The following METTL21C variants were observed in gnomAD, a reference collection of about 807,000 sequenced individuals.
METTL21C encodes methyltransferase 21C, AARS1 lysine.
METTL21C carries 21 observed loss-of-function variants against 25.9 expected under a neutral mutation model. The ratio of observed to expected loss-of-function variants is 0.81; its 90% CI spans 0.58 to 1.17. The LOEUF (loss-of-function observed/expected upper bound fraction) is 1.17. METTL21C is among the 50% of genes most tolerant of loss of function. METTL21C has a pLI of 0.00. For missense variants in METTL21C, 312 were observed against 315.1 expected, an observed-to-expected ratio of 0.99 and a Z score of 0.07; for synonymous variants, 125 against 124.7, an observed-to-expected ratio of 1.00 and a Z score of -0.01.
upstream of METTL21C, among the ~76,000 whole-genome samples, chr13:102,699,662 G>A (rs1167319335): frequency 6.6e-6 from 1 of 152,194 alleles, no homozygotes; most frequent in East Asian, 1.9e-4. Context: ...CATTCAATGT[G>A]TGTGATTTCC....
At position 102,685,928 on chromosome 13, in the gene METTL21C, A is replaced by G. The variant is rs112224411; in HGVS notation, c.*103T>C. On this transcript the variant is annotated 3_prime_UTR_variant, in exon 4 of 4. Transcript: ENST00000267273. ...TGTTCCAAGTATACAAGTTGTTTCT[A>G]TGCACTACCTTCTCAATCCTGTGAA... is the stretch of plus-strand genomic sequence containing the variant. 3.4e-6 allele frequency: 4 copies of G among 1,180,320 alleles called. 1 individual carries two copies. The highest frequency in any genetic ancestry group is 3.5e-6 in the Non-Finnish European group (3 of 851,392). The allele number at this position is 1,180,320 out of a possible 1,614,324, so 73.1% of individuals were successfully genotyped here. A position where few individuals can be genotyped will look rare whatever the true frequency, so the allele number is the denominator to read the frequency against.
At position 102,694,376 on chromosome 13, in the gene METTL21C, G is replaced by T; in HGVS notation, c.123C>A (p.Val41=). The change falls in exon 1 of 4, where the codon GTC becomes GTA. Residue 41 remains valine (V), a synonymous_variant. Transcript: ENST00000267273. ...GATGAAGAAGGAGGTTACCTTCTAG[G>T]ACTCCCCCGGTGCTGTCTTTCTGCG... ...GAPQKDSTGG[V]LEESNKIEPS... The T allele has an allele frequency of 6.2e-7, 1 of 1,602,832 alleles. No homozygotes were observed. Among genetic ancestry groups the T allele is most frequent in the Non-Finnish European group, 8.5e-7 (1 of 1,174,306 alleles).
chr13:102,691,051 A>G, intron 1 of METTL21C, 87 bp from the exon 2 acceptor site: 6 of 1,427,004 alleles, frequency 4.2e-6, no homozygotes, highest in Non-Finnish European at 4.8e-6. Context: ...AGATGGCATT[A>G]GATTGAATGA....
chr13:102,689,501 G>A lies in METTL21C; in HGVS notation c.282+1312C>T, dbSNP rs1029622282. On this transcript the variant is annotated intron_variant, in intron 2 of 3. Coordinates refer to ENST00000267273, the MANE Select transcript of METTL21C (RefSeq NM_001010977.3). Reference sequence around the variant, plus strand: ...TCGCCAGATGACCTGAGGGAGCCCCGTGGAACCACTAACCAGGAATACTCA... The same window carrying A: ...TCGCCAGATGACCTGAGGGAGCCCCATGGAACCACTAACCAGGAATACTCA... 2.0e-4 allele frequency among the ~76,000 whole-genome samples: 30 copies of A among 152,178 alleles called. No homozygotes were observed. The East Asian group carries it at 2.3e-3, about 12-fold the overall frequency.
At chr13:102,696,391 G>T (rs188007138), upstream of METTL21C, among the ~76,000 whole-genome samples, 1 of 152,112 alleles carries the variant, frequency 6.6e-6, no homozygotes, top group African/African-American at 2.4e-5. Context: ...GGGACGGAGA[G>T]CATTAGGAGA....
intron 1 of METTL21C, 131 bp from the exon 2 acceptor site, chr13:102,691,095 G>A: frequency 9.8e-7 from 1 of 1,024,836 alleles, no homozygotes; most frequent in South Asian, 1.7e-5. Flanking sequence ...ATGCTATCAA[G>A]GAGAACGGCT....
chr13:102,702,110 G>A, the METTL21C span, among the ~76,000 whole-genome samples: 1 of 151,758 alleles, frequency 6.6e-6, no homozygotes, highest in African/African-American at 2.4e-5. Flanking sequence ...GTTGTAGTGA[G>A]CTGAGATCGT....
At position 102,694,485 on chromosome 13, in the gene METTL21C, A is replaced by G. The variant is rs146652569; in HGVS notation, c.14T>C (p.Leu5Pro). 18 of 1,445,886 alleles carry G rather than the reference A, an allele frequency of 1.2e-5. No homozygotes were observed. In the African/African-American group the frequency reaches 5.2e-4, roughly 41 times the overall value. The allele number at this position is 1,445,886 out of a possible 1,614,324, so 89.6% of individuals were successfully genotyped here. The change falls in exon 1 of 4, where the codon CTG becomes CCG. Residue 5 changes from leucine to proline, a missense_variant. Leu to Pro is a moderately conservative substitution (Grantham distance 98). Transcript: ENST00000267273. MDVC[L>P]SSAQQPGRRG... ...GCGCCCAGGCTGCTGCGCGGAGCTC[A>G]GACACACGTCCATAGCCGGCTGTCC... is the stretch of plus-strand genomic sequence containing the variant.
In METTL21C at chr13:102,690,806, C is replaced by G; in HGVS notation, c.282+7G>C. Reference sequence around the variant, plus strand: ...TCCTGACATCACAAATATGACAGTTCTCTCACCCCTGGCCACACCACCGCT... The same window carrying G: ...TCCTGACATCACAAATATGACAGTTGTCTCACCCCTGGCCACACCACCGCT... On this transcript the variant is annotated splice_region_variant and intron_variant, in intron 2 of 3. Coordinates refer to ENST00000267273, the MANE Select transcript of METTL21C (RefSeq NM_001010977.3). The G allele has an allele frequency of 6.2e-7, 1 of 1,612,390 alleles. No individual in the cohort carries two copies. The highest frequency in any genetic ancestry group is 8.5e-7 in the Non-Finnish European group (1 of 1,179,498).
At chr13:102,702,900 G>A in the METTL21C span, among the ~76,000 whole-genome samples, 3 of 152,050 alleles carry the variant, frequency 2.0e-5, no homozygotes, top group African/African-American at 7.2e-5. Context: ...CCCAAAAACA[G>A]CATTCTTATA....
Position 102,688,487 on chromosome 13 carries a change from C to T in METTL21C, c.283-1430G>A, listed in dbSNP as rs576255555. Reference sequence around the variant, plus strand: ...AGAGCCGCCGAGGAGTCTGGGCCGACTTCATGGGGCCGGGGAGAAGCCAGC... The same window carrying T: ...AGAGCCGCCGAGGAGTCTGGGCCGATTTCATGGGGCCGGGGAGAAGCCAGC... On this transcript the variant is annotated intron_variant, in intron 2 of 3. Transcript: ENST00000267273. Among the ~76,000 whole-genome samples, 12 of 152,070 alleles carry T rather than the reference C, an allele frequency of 7.9e-5. No individual in the cohort carries two copies. The East Asian group carries it at 2.1e-3, about 27-fold the overall frequency.
Position 102,686,366 on chromosome 13 carries a change from A to G in METTL21C, c.460T>C (p.Leu154=). 2 of 1,614,108 alleles carry G rather than the reference A, an allele frequency of 1.2e-6. No individual in the cohort carries two copies. The highest frequency in any genetic ancestry group is 8.5e-7 in the Non-Finnish European group (1 of 1,180,004). Residue 154 remains leucine, a synonymous_variant, in exon 4 of 4, where the codon TTA becomes CTA. Coordinates refer to ENST00000267273, the MANE Select transcript of METTL21C (RefSeq NM_001010977.3). ...GCTGTACATTGTAGTGTGTTTTTTA[A>G]AAGATTGTATTGAAGGTTTCCCAGG... The part of the protein sequence containing the change: ...DVLGNLQYNL[L]KNTLQCTAHL...
intron 2 of METTL21C, among the ~76,000 whole-genome samples, chr13:102,690,436 AAAAG>A (rs1299646079): frequency 6.7e-6 from 1 of 149,790 alleles, no homozygotes; most frequent in Admixed American, 6.8e-5. Context: ...AAAAAAAAAA[AAAAG>A]AGAGAGATGA....
chr13:102,686,395 T>G lies in METTL21C; in HGVS notation c.431A>C (p.Asp144Ala). 1 of 1,613,238 alleles carries G rather than the reference T, an allele frequency of 6.2e-7. No homozygotes were observed. The part of the protein sequence containing the change: ...GAQVTATDLP[D>A]VLGNLQYNLL... ...ATTGTATTGAAGGTTTCCCAGGACA[T>G]CAGGCAAATCTGTTGCTGTGACTTG... Residue 144 changes from aspartate (D) to alanine (A), a missense_variant, in exon 4 of 4, where the codon GAT (aspartate) becomes GCT (alanine). Coordinates refer to ENST00000267273, the MANE Select transcript of METTL21C (RefSeq NM_001010977.3).
At position 102,694,811 on chromosome 13, in the gene METTL21C, AT is replaced by A. The variant is rs1384169438; in HGVS notation, c.-314del. 1.3e-5 allele frequency among the ~76,000 whole-genome samples: 2 copies of A among 151,686 alleles called. No individual in the cohort carries two copies. The highest frequency in any genetic ancestry group is 2.4e-5 in the African/African-American group (1 of 41,254). On this transcript the variant is annotated 5_prime_UTR_variant, in exon 1 of 4. Transcript: ENST00000267273. ...AATCCAGCCAGTGGAAGCCCAAGTT[AT>A]TTAGGGTAGCATTATCTACCAGTCC... is the stretch of plus-strand genomic sequence containing the variant.
chr13:102,687,164 G>T, intron 2 of METTL21C, 107 bp from the exon 3 acceptor site: 1 of 795,400 alleles, frequency 1.3e-6, no homozygotes, highest in Non-Finnish European at 2.1e-6. Context: ...TATTACATAT[G>T]TTCAGTTTAT....
chr13:102,695,715 G>T (rs528303931), upstream of METTL21C, among the ~76,000 whole-genome samples: 1 of 152,170 alleles, frequency 6.6e-6, no homozygotes, highest in Admixed American at 6.5e-5. Flanking sequence ...TAAATGACTG[G>T]GGATAAGCCG....
chr13:102,704,070 T>G, the METTL21C span, among the ~76,000 whole-genome samples: 2 of 152,222 alleles, frequency 1.3e-5, no homozygotes, highest in African/African-American at 4.8e-5. Context: ...CCATTTAAAT[T>G]GCCGTAACTC....
chr13:102,690,521 A>T (rs9514042), intron 2 of METTL21C, among the ~76,000 whole-genome samples: 14,875 of 152,024 alleles, frequency 0.098, 874 homozygotes, highest in East Asian at 0.23. Flanking sequence ...CCCTGGGTTT[A>T]TTCTTAACAA....
Sources: allele counts gnomAD v4.1 joint callset (sites outside exome capture counted in the v4.1 genomes callset), GRCh38; gene constraint gnomAD v4.1.1; transcripts MANE v1.5; gene names NCBI Gene and HGNC (gene_info 2026-07-23, HGNC 2026-07-21).